Variants in CSMD1 observed in about 807,000 individuals in gnomAD.
CSMD1 encodes CUB and Sushi multiple domains 1.
A neutral mutation model predicts 417.5 loss-of-function variants in CSMD1; 213 were observed. The observed-to-expected ratio is 0.51, with a 90% CI of 0.46 to 0.57. The LOEUF is 0.57. Among genes scored for constraint, CSMD1 ranks in the 20% least tolerant of loss-of-function variants. CSMD1 has a pLI of 0.00. For synonymous variants in CSMD1, 2,862 were observed against 1,736.8 expected, an observed-to-expected ratio of 1.65 and a Z score of -16.11; for missense variants, 6,923 against 4,529.7, an observed-to-expected ratio of 1.53 and a Z score of -15.17.
chr8:3,310,263 T>G (rs777387358), intron 23 of CSMD1, among the ~76,000 whole-genome samples: 3 of 152,206 alleles, frequency 2.0e-5, no homozygotes, highest in Non-Finnish European at 2.9e-5. Flanking sequence ...TTATTACAGA[T>G]TATTCAGTGC....
intron 1 of CSMD1, among the ~76,000 whole-genome samples, chr8:4,838,122 CT>C (rs888084875): frequency 5.3e-5 from 8 of 152,032 alleles, no homozygotes; most frequent in Middle Eastern, 3.4e-3. Flanking sequence ...AACAGTAAAA[CT>C]TTTTTTTAAA....
intron 4 of CSMD1, among the ~76,000 whole-genome samples, chr8:4,007,013 T>C (rs919555835): frequency 6.6e-6 from 1 of 151,862 alleles, no homozygotes; most frequent in Middle Eastern, 3.2e-3. Context: ...TGTATGTGTG[T>C]ATTTTTAGTA....
intron 5 of CSMD1, among the ~76,000 whole-genome samples, chr8:3,951,585 AAAC>A (rs1232881426): frequency 4.6e-5 from 7 of 152,200 alleles, no homozygotes; most frequent in East Asian, 1.9e-4. Context: ...TCATCATAGA[AAAC>A]AACGAGAGAA....
chr8:4,531,478 T>G (rs981139760), intron 2 of CSMD1, among the ~76,000 whole-genome samples: 4 of 152,184 alleles, frequency 2.6e-5, no homozygotes, highest in Admixed American at 6.5e-5. Context: ...GCTTTGTTTT[T>G]GTCATCCCTA....
chr8:3,904,867 C>A (rs1459503532), intron 5 of CSMD1, among the ~76,000 whole-genome samples: 1 of 152,090 alleles, frequency 6.6e-6, no homozygotes, highest in Admixed American at 6.5e-5. Flanking sequence ...AAACTCTTGA[C>A]CTCAAGTGAT....
intron 12 of CSMD1, among the ~76,000 whole-genome samples, chr8:3,443,802 G>T (rs1430095609): frequency 6.6e-6 from 1 of 152,172 alleles, no homozygotes; most frequent in African/African-American, 2.4e-5. Flanking sequence ...GTGTAAACAT[G>T]AATGCAAAAC....
chr8:4,906,963 C>T (rs1585303982), intron 1 of CSMD1, among the ~76,000 whole-genome samples: 2 of 152,216 alleles, frequency 1.3e-5, no homozygotes, highest in South Asian at 4.1e-4. Flanking sequence ...AATGACTTGC[C>T]TACTAAATAT....
chr8:4,632,324 C>T (rs1802568221), intron 2 of CSMD1, among the ~76,000 whole-genome samples: 1 of 152,074 alleles, frequency 6.6e-6, no homozygotes. Context: ...ACCAGCCTGG[C>T]CAACATGGTG....
intron 25 of CSMD1, among the ~76,000 whole-genome samples, chr8:3,294,569 C>G (rs1179047366): frequency 6.7e-6 from 1 of 150,130 alleles, no homozygotes; most frequent in Non-Finnish European, 1.5e-5. Flanking sequence ...TTTGATCTGA[C>G]TGCTGTGCTA....
intron 3 of CSMD1, among the ~76,000 whole-genome samples, chr8:4,076,939 C>T (rs1410291754): frequency 6.6e-6 from 1 of 152,128 alleles, no homozygotes; most frequent in Non-Finnish European, 1.5e-5. Context: ...GTAAAAAAAT[C>T]TTACACAAGG....
In CSMD1 at chr8:3,438,515, G is replaced by A. The variant is rs112519076; in HGVS notation, c.1562-28910C>T. ...TGTAGAAATGCATGTGACCTTCTGG[G>A]ATTGACTTTTTTGGTCAGCACCACT... On this transcript the variant is annotated intron_variant, in intron 12 of 69. Coordinates refer to ENST00000635120, the MANE Select transcript of CSMD1 (RefSeq NM_033225.6). 6.5e-3 allele frequency among the ~76,000 whole-genome samples: 983 copies of A among 152,230 alleles called. 6 individuals carry two copies. Among genetic ancestry groups the A allele is most frequent in the Non-Finnish European group, 9.1e-3 (621 of 68,018 alleles).
At chr8:4,031,567 G>C (rs146153273) in intron 4 of CSMD1, among the ~76,000 whole-genome samples, 1 of 152,116 alleles carries the variant, frequency 6.6e-6, no homozygotes, top group Non-Finnish European at 1.5e-5. Flanking sequence ...GTTTGGGTGA[G>C]GACAGAGCTA....
intron 4 of CSMD1, among the ~76,000 whole-genome samples, chr8:4,011,936 C>G (rs1021251363): frequency 6.6e-6 from 1 of 152,010 alleles, no homozygotes; most frequent in Non-Finnish European, 1.5e-5. Flanking sequence ...TTCCCATATA[C>G]TTTAAATCAT....
At chr8:3,017,223 T>C (rs1808912277) in intron 52 of CSMD1, among the ~76,000 whole-genome samples, 1 of 152,196 alleles carries the variant, frequency 6.6e-6, no homozygotes, top group Non-Finnish European at 1.5e-5. Flanking sequence ...CCAGTGGAAC[T>C]GGGCTCCTTC....
chr8:3,381,731 C>T (rs1456397845), intron 18 of CSMD1, among the ~76,000 whole-genome samples: 1 of 152,066 alleles, frequency 6.6e-6, no homozygotes, highest in African/African-American at 2.4e-5. Context: ...GACTCAGTAA[C>T]ATAAATTCAA....
intron 25 of CSMD1, among the ~76,000 whole-genome samples, chr8:3,284,848 T>G (rs1803027701): frequency 6.6e-6 from 1 of 152,212 alleles, no homozygotes; most frequent in South Asian, 2.1e-4. Flanking sequence ...GCTCTTGTGT[T>G]GTACTTCTTT....
intron 4 of CSMD1, among the ~76,000 whole-genome samples, chr8:4,028,633 G>C (rs779680814): frequency 3.3e-5 from 5 of 152,178 alleles, no homozygotes; most frequent in African/African-American, 7.2e-5. Context: ...TACAATCCTA[G>C]ATTAAAAGCC....
At chr8:3,593,126 A>T (rs989630098) in intron 8 of CSMD1, among the ~76,000 whole-genome samples, 1 of 152,184 alleles carries the variant, frequency 6.6e-6, no homozygotes, top group Non-Finnish European at 1.5e-5. Context: ...AGAACTTGTC[A>T]CTGGAGCTGT....
At chr8:3,877,187 A>C (rs1242139868) in intron 5 of CSMD1, among the ~76,000 whole-genome samples, 1 of 152,116 alleles carries the variant, frequency 6.6e-6, no homozygotes, top group East Asian at 1.9e-4. Context: ...TGACTTTTGG[A>C]AGAAGGAAGT....
Sources: gnomAD v4.1 joint callset for allele counts (sites outside exome capture counted in the v4.1 genomes callset) on GRCh38, gnomAD v4.1.1 for gene constraint, MANE v1.5 for transcripts, NCBI Gene and HGNC (gene_info 2026-07-23, HGNC 2026-07-21) for gene names.